LRCH3: variants seen among roughly 807,000 people sequenced by gnomAD.
LRCH3 encodes DISP complex protein LRCH3.
A neutral mutation model predicts 104.5 loss-of-function variants in LRCH3; 68 were observed. That is an observed-to-expected ratio of 0.65 (90% CI 0.54 to 0.80). The LOEUF is 0.80. Ranked by LOEUF, LRCH3 falls within the 30% of genes least tolerant of loss-of-function variation. The probability of loss-of-function intolerance (pLI) is 0.00; values close to 1 mark genes in which losing one functional copy is unlikely to be tolerated. For missense variants in LRCH3, 951 were observed against 953.9 expected, an observed-to-expected ratio of 1.00 and a Z score of 0.04; for synonymous variants, 344 against 361.3, an observed-to-expected ratio of 0.95 and a Z score of 0.54.
chr3:197,813,193 G>T (rs1238243316), intron 1 of LRCH3, among the ~76,000 whole-genome samples: 3 of 152,138 alleles, frequency 2.0e-5, no homozygotes, highest in African/African-American at 7.2e-5. Context: ...GGTAAATGAA[G>T]TATCCATTAC....
chr3:197,795,447 T>A (rs906208001), intron 1 of LRCH3, among the ~76,000 whole-genome samples: 1 of 152,102 alleles, frequency 6.6e-6, no homozygotes, highest in African/African-American at 2.4e-5. Context: ...AGTAACTGAA[T>A]TTTTTGTTGA....
chr3:197,807,740 T>C (rs1475805580), intron 1 of LRCH3, among the ~76,000 whole-genome samples: 1 of 152,220 alleles, frequency 6.6e-6, no homozygotes, highest in Non-Finnish European at 1.5e-5. Context: ...CTGTAGTGTT[T>C]TTGAGTGTAT....
chr3:197,820,535 G>C, intron 4 of LRCH3, 105 bp downstream of exon 4: 2 of 738,366 alleles, frequency 2.7e-6, no homozygotes, highest in Non-Finnish European at 4.5e-6. Flanking sequence ...TCTAGGCTGG[G>C]CGCTGTGGCT....
In LRCH3 at chr3:197,883,693, C is replaced by T. The variant is rs1382112481; in HGVS notation, c.*27C>T. On this transcript the variant is annotated 3_prime_UTR_variant, in exon 21 of 21. Coordinates refer to ENST00000425562, the MANE Select transcript of LRCH3 (RefSeq NM_001365715.1). This position sits in a 1 kb window ranked among gnomAD's most constrained non-coding sequence, Gnocchi z 4.2. ...GATCCCCAGGACGGTGGGCACTGGCCTGGCCAAAACAAGGAACAGGACACC... is the reference window on the plus strand; with the variant it reads ...GATCCCCAGGACGGTGGGCACTGGCTTGGCCAAAACAAGGAACAGGACACC... The T allele has an allele frequency of 1.8e-5, 27 of 1,529,110 alleles. No homozygotes were observed. Among genetic ancestry groups the T allele is most frequent in the African/African-American group, 4.1e-5 (3 of 72,666 alleles). The allele number at this position is 1,529,110 out of a possible 1,614,324, so 94.7% of individuals were successfully genotyped here. A position where few individuals can be genotyped will look rare whatever the true frequency, so the allele number is the denominator to read the frequency against.
chr3:197,871,907 G>T (rs1471098155), intron 19 of LRCH3, among the ~76,000 whole-genome samples: 1 of 152,174 alleles, frequency 6.6e-6, no homozygotes, highest in Admixed American at 6.5e-5. Flanking sequence ...TCGTGCACAG[G>T]GTTGTAATAC....
At position 197,888,088 on chromosome 3, in the gene LRCH3, A is replaced by G. The variant is rs1213816186; in HGVS notation, c.*4422A>G. 6.6e-6 allele frequency: 1 copy of G among 152,274 alleles called. No individual in the cohort carries two copies. The highest frequency in any genetic ancestry group is 2.4e-5 in the African/African-American group (1 of 41,470). The allele number at this position is 152,274 out of a possible 1,614,324, so 9.4% of individuals were successfully genotyped here. A position where few individuals can be genotyped will look rare whatever the true frequency, so the allele number is the denominator to read the frequency against. On this transcript the variant is annotated 3_prime_UTR_variant, in exon 21 of 21. Coordinates refer to ENST00000425562, the MANE Select transcript of LRCH3 (RefSeq NM_001365715.1). ...CGATTTCTCTTACTTTCTACAGCTC[A>G]GCAGTGACTAATGATGTGTGACTAT... is the stretch of plus-strand genomic sequence containing the variant.
chr3:197,792,687 T>C (rs1477012366), intron 1 of LRCH3, among the ~76,000 whole-genome samples: 2 of 140,970 alleles, frequency 1.4e-5, no homozygotes, highest in Non-Finnish European at 1.5e-5. Flanking sequence ...ATCTCGCTCT[T>C]GTCTCCCAGG....
chr3:197,862,897 C>T (rs1741049382), intron 15 of LRCH3, among the ~76,000 whole-genome samples: 2 of 152,212 alleles, frequency 1.3e-5, no homozygotes, highest in African/African-American at 4.8e-5. Flanking sequence ...CTTAGTTCTC[C>T]ACCTGTGATA....
At chr3:197,840,003 C>G (rs1395881026) in intron 10 of LRCH3, among the ~76,000 whole-genome samples, 1 of 150,718 alleles carries the variant, frequency 6.6e-6, no homozygotes, top group South Asian at 2.1e-4. Context: ...ATACAAAAAA[C>G]GAATTTCGAG....
chr3:197,825,724 C>T (rs1735125056), intron 4 of LRCH3, among the ~76,000 whole-genome samples: 1 of 152,096 alleles, frequency 6.6e-6, no homozygotes, highest in East Asian at 1.9e-4. Flanking sequence ...CGTGATCCGC[C>T]TGCCTCGGCC....
chr3:197,826,840 C>T, intron 4 of LRCH3, 38 bp from the exon 5 acceptor site: 1 of 1,612,394 alleles, frequency 6.2e-7, no homozygotes, highest in East Asian at 2.2e-5. Flanking sequence ...AGTTGTAAAA[C>T]ATCATTAATT....
chr3:197,877,480 C>T (rs1270939905), intron 20 of LRCH3, among the ~76,000 whole-genome samples: 4 of 106,046 alleles, frequency 3.8e-5, no homozygotes, highest in East Asian at 3.2e-4. Flanking sequence ...CCCAACTCAC[C>T]GCACCCATGG....
chr3:197,834,343 C>T (rs924741362), intron 8 of LRCH3, among the ~76,000 whole-genome samples: 2 of 152,218 alleles, frequency 1.3e-5, no homozygotes. Flanking sequence ...AGAAACTCCT[C>T]AAATGAATCC....
chr3:197,874,328 G>A (rs1007369605), intron 19 of LRCH3, among the ~76,000 whole-genome samples: 1 of 152,126 alleles, frequency 6.6e-6, no homozygotes, highest in Non-Finnish European at 1.5e-5. Context: ...ATCCTCAGAG[G>A]AGCATGAACG....
intron 17 of LRCH3, 21 bp from the exon 18 acceptor site, chr3:197,870,139 T>C (rs375015268): frequency 4.8e-5 from 78 of 1,608,500 alleles, no homozygotes; most frequent in Non-Finnish European, 6.4e-5. Context: ...CTTTCTGTCT[T>C]ACATATTAAT....
chr3:197,791,650 G>A, intron 1 of LRCH3, 110 bp downstream of exon 1: 1 of 1,273,100 alleles, frequency 7.9e-7, no homozygotes, highest in Non-Finnish European at 1.0e-6. Flanking sequence ...CGTAGGCGCC[G>A]GGTCCGGACC....
chr3:197,798,456 G>A (rs1174698869), intron 1 of LRCH3, among the ~76,000 whole-genome samples: 2 of 152,214 alleles, frequency 1.3e-5, no homozygotes, highest in East Asian at 3.8e-4. Flanking sequence ...CTACAGGTGA[G>A]AGCAGGATGC....
chr3:197,823,960 C>G lies in LRCH3; in HGVS notation c.641-2918C>G, dbSNP rs561852556. Among the ~76,000 whole-genome samples, 30 of 152,318 alleles carry G rather than the reference C, an allele frequency of 2.0e-4. No individual in the cohort carries two copies. The South Asian group carries it at 6.0e-3, about 31-fold the overall frequency. ...TCCCAGTGTAGTTTTAGCACAACTT[C>G]TGATTAAATTGTTACTCAGTGTTCA... On this transcript the variant is annotated intron_variant, in intron 4 of 20. Transcript: ENST00000425562.
intron 1 of LRCH3, among the ~76,000 whole-genome samples, chr3:197,793,560 C>T (rs996848568): frequency 1.3e-5 from 2 of 152,196 alleles, no homozygotes; most frequent in African/African-American, 4.8e-5. Context: ...CATTTTCTCA[C>T]CTGCTTTTCA....
Sources: gnomAD v4.1 joint callset for allele counts (sites outside exome capture counted in the v4.1 genomes callset) on GRCh38, gnomAD v4.1.1 for gene constraint, Gnocchi (gnomAD v3.1) non-coding constraint, MANE v1.5 for transcripts, NCBI Gene and HGNC (gene_info 2026-07-23, HGNC 2026-07-21) for gene names.